The following SLC25A17 variants were observed in gnomAD, a reference collection of about 807,000 sequenced individuals.
SLC25A17 encodes solute carrier family 25 member 17, also known as peroxisomal membrane protein PMP34.
Under a neutral mutation model 38.5 loss-of-function variants are expected in SLC25A17, and 26 were observed. The ratio of observed to expected loss-of-function variants is 0.68; its 90% CI spans 0.50 to 0.94. The LOEUF (loss-of-function observed/expected upper bound fraction) is 0.94. SLC25A17 is among the 40% of genes least tolerant of loss of function. SLC25A17 has a pLI of 0.00. For synonymous variants in SLC25A17, 139 were observed against 136.2 expected (o/e 1.02, Z -0.14); for missense variants, 333 against 372.7 (o/e 0.89, Z 0.88).
At position 40,819,278 on chromosome 22, in the gene SLC25A17, C is replaced by G. The variant is rs946917142; in HGVS notation, c.-30G>C. 3 of 1,612,866 alleles carry G rather than the reference C, an allele frequency of 1.9e-6. No individual in the cohort carries two copies. In the African/African-American group the frequency reaches 4.0e-5, roughly 22 times the overall value. The stretch of plus-strand genomic sequence containing the variant: ...GCGGCTCCTCGAAGACCCAGCCACA[C>G]TTTTCCCACAGATGCCGCAGCCAGT... On this transcript the variant is annotated 5_prime_UTR_variant, in exon 1 of 9. Transcript: ENST00000435456.
At chr22:40,771,713 G>C (rs2057184864) in intron 8 of SLC25A17, among the ~76,000 whole-genome samples, 1 of 152,160 alleles carries the variant, frequency 6.6e-6, no homozygotes, top group Non-Finnish European at 1.5e-5. Flanking sequence ...AGACTACTGG[G>C]AAGAGTAGTG....
At chr22:40,799,117 C>A (rs118166233) in intron 1 of SLC25A17, 34 bp from the exon 2 acceptor site, 3 of 1,566,728 alleles carry the variant, frequency 1.9e-6, no homozygotes, top group South Asian at 2.2e-5. Context: ...TACAGCATCA[C>A]AAACATAGTT....
At chr22:40,772,015 AT>A (rs1024670444) in intron 8 of SLC25A17, among the ~76,000 whole-genome samples, 1 of 150,254 alleles carries the variant, frequency 6.7e-6, no homozygotes, top group East Asian at 1.9e-4. Context: ...AAATTAAAAA[AT>A]TAAAAAAAAA....
chr22:40,787,132 G>A (rs1012849530), intron 4 of SLC25A17, among the ~76,000 whole-genome samples: 2 of 152,172 alleles, frequency 1.3e-5, no homozygotes, highest in African/African-American at 2.4e-5. Context: ...TAGGGGTGGT[G>A]GGTACAGGAA....
chr22:40,797,918 C>A (rs761476471), intron 2 of SLC25A17: 22 of 154,302 alleles, frequency 1.4e-4, no homozygotes, highest in Non-Finnish European at 2.2e-4. Context: ...GCCCCATGGG[C>A]ACCTCTGGCT....
chr22:40,778,446 AACTGAG>A lies in SLC25A17; in HGVS notation c.451+557_451+562del, dbSNP rs571157088. Reference sequence around the variant, plus strand: ...GTCCCAGAAAGAGGAGAGCCATGTGAACTGAGACTGTCAGGCTACGGTCAGCCTAGA... The same window carrying A: ...GTCCCAGAAAGAGGAGAGCCATGTGAACTGTCAGGCTACGGTCAGCCTAGA... On this transcript the variant is annotated intron_variant, in intron 5 of 8. Transcript: ENST00000435456. Among the ~76,000 whole-genome samples the A allele has an allele frequency of 4.5e-3, 686 of 152,326 alleles. 5 individuals carry two copies. Among genetic ancestry groups the A allele is most frequent in the African/African-American group, 0.015 (615 of 41,578 alleles).
intron 2 of SLC25A17, among the ~76,000 whole-genome samples, chr22:40,796,397 G>C (rs577242023): frequency 4.6e-5 from 7 of 152,036 alleles, no homozygotes; most frequent in Non-Finnish European, 8.8e-5. Context: ...CCAGCACTTT[G>C]GGAGGCTGAG....
chr22:40,774,175 C>A (rs2057217229), intron 7 of SLC25A17, among the ~76,000 whole-genome samples, 156 bp from the exon 8 acceptor site: 1 of 151,590 alleles, frequency 6.6e-6, no homozygotes, highest in African/African-American at 2.4e-5. Context: ...CTGTATTTTT[C>A]AACTGAGTGA....
chr22:40,775,436 GTTTTT>G (rs71200615), intron 7 of SLC25A17, among the ~76,000 whole-genome samples: 32 of 86,830 alleles, frequency 3.7e-4, no homozygotes, highest in African/African-American at 1.3e-3. Context: ...AGATCTGATG[GTTTTT>G]TTTTTTTTTT....
chr22:40,797,370 T>A, intron 2 of SLC25A17: 1 of 1,211,084 alleles, frequency 8.3e-7, no homozygotes, highest in South Asian at 1.3e-5. Context: ...CACAGTGAGT[T>A]GTAGAGTCCC....
chr22:40,777,546 G>A (rs2057257571), intron 5 of SLC25A17, among the ~76,000 whole-genome samples, 173 bp from the exon 6 acceptor site: 1 of 152,196 alleles, frequency 6.6e-6, no homozygotes, highest in South Asian at 2.1e-4. Context: ...CACTTTGGGA[G>A]GCCGAGGCGG....
chr22:40,797,642 A>C lies in SLC25A17; in HGVS notation c.115+1381T>G, dbSNP rs117827738. On this transcript the variant is annotated intron_variant, in intron 2 of 8. Coordinates refer to ENST00000435456, the MANE Select transcript of SLC25A17 (RefSeq NM_006358.4). ...ACTCATCCAGGAATGACTCTCTGTT[A>C]ATTAGGAAACATGATATCTTCTAGA... Among the ~76,000 whole-genome samples, 724 of 152,344 alleles carry C rather than the reference A, an allele frequency of 4.8e-3. 6 individuals are homozygous for C. Among genetic ancestry groups the C allele is most frequent in the Middle Eastern group, 0.044 (13 of 294 alleles).
intron 4 of SLC25A17, among the ~76,000 whole-genome samples, chr22:40,780,889 G>T (rs957407601): frequency 6.6e-6 from 1 of 152,118 alleles, no homozygotes; most frequent in African/African-American, 2.4e-5. Context: ...CTGCTTTCAT[G>T]CCCAGTGTGG....
chr22:40,797,362 C>A (rs1287054591), intron 2 of SLC25A17: 1 of 1,267,658 alleles, frequency 7.9e-7, no homozygotes, highest in Non-Finnish European at 1.0e-6. Flanking sequence ...GCAAGAATCA[C>A]AGTGAGTTGT....
intron 4 of SLC25A17, 69 bp downstream of exon 4, chr22:40,792,456 T>A: frequency 6.1e-6 from 8 of 1,321,462 alleles, no homozygotes; most frequent in Non-Finnish European, 8.2e-6. Flanking sequence ...TTGGGCTAAA[T>A]AACCTCTTAG....
rs553648012 is a variant in SLC25A17, at chr22:40,797,398, G to T, written c.115+1625C>A. ...AGAGTCCCATAAAGCTGCAAAGGCA[G>T]ATTAGGACTACATGCCTACATTAGC... On this transcript the variant is annotated intron_variant, in intron 2 of 8. Transcript: ENST00000435456. The T allele has an allele frequency of 7.0e-5, 57 of 814,074 alleles. No homozygotes were observed. In the South Asian group the frequency reaches 7.4e-4, roughly 11 times the overall value. 50.4% of individuals were successfully genotyped at this position (814,074 alleles called of 1,614,324 possible). A position where few individuals can be genotyped will look rare whatever the true frequency, so the allele number is the denominator to read the frequency against.
chr22:40,792,681 G>A lies in SLC25A17; in HGVS notation c.183-5C>T. 4 of 1,613,492 alleles carry A rather than the reference G, an allele frequency of 2.5e-6. No homozygotes were observed. Among genetic ancestry groups the A allele is most frequent in the Non-Finnish European group, 3.4e-6 (4 of 1,179,756 alleles). Reference sequence around the variant, plus strand: ...CACCCTCGATATGGTGCCAGGCTAGGGGAAAAACACAATAAGCAAAGTAAA... The same window carrying A: ...CACCCTCGATATGGTGCCAGGCTAGAGGAAAAACACAATAAGCAAAGTAAA... On this transcript the variant is annotated splice_polypyrimidine_tract_variant and splice_region_variant and intron_variant, in intron 3 of 8. Coordinates refer to ENST00000435456, the MANE Select transcript of SLC25A17 (RefSeq NM_006358.4).
At chr22:40,808,040 A>G (rs892693204) in intron 1 of SLC25A17, among the ~76,000 whole-genome samples, 4 of 151,582 alleles carry the variant, frequency 2.6e-5, no homozygotes, top group Non-Finnish European at 5.9e-5. Flanking sequence ...TAGAAGGCAC[A>G]AAATACCGAG....
chr22:40,779,587 C>A, intron 4 of SLC25A17: 1 of 201,678 alleles, frequency 5.0e-6, no homozygotes. Flanking sequence ...GGATATGGTA[C>A]AATGAGTGAC....
Sources: allele counts gnomAD v4.1 joint callset (sites outside exome capture counted in the v4.1 genomes callset), GRCh38; gene constraint gnomAD v4.1.1; transcripts MANE v1.5; gene names NCBI Gene and HGNC (gene_info 2026-07-23, HGNC 2026-07-21).